Variants in FRS2 observed in about 807,000 individuals in gnomAD.
FRS2 encodes the protein fibroblast growth factor receptor substrate 2.
Under a neutral mutation model 43.9 loss-of-function variants are expected in FRS2, and 8 were observed. That is an observed-to-expected ratio of 0.18 (90% CI 0.11 to 0.33). The LOEUF (loss-of-function observed/expected upper bound fraction) is 0.33, where lower values mean the gene tolerates loss of function less well. Among genes scored for constraint, FRS2 ranks in the 10% least tolerant of loss-of-function variants. The probability of loss-of-function intolerance (pLI) is 1.00; values close to 1 mark genes in which losing one functional copy is unlikely to be tolerated. For missense variants in FRS2, 534 were observed against 627.6 expected, an observed-to-expected ratio of 0.85 and a Z score of 1.59; for synonymous variants, 219 against 220.3, an observed-to-expected ratio of 0.99 and a Z score of 0.05.
At chr12:69,533,470 C>T (rs1289821179) in intron 3 of FRS2, among the ~76,000 whole-genome samples, 3 of 152,092 alleles carry the variant, frequency 2.0e-5, no homozygotes. Context: ...CTGCCTCAGC[C>T]TCCTGAGTAG....
At chr12:69,497,170 C>T (rs773469665) in intron 1 of FRS2, among the ~76,000 whole-genome samples, 2 of 152,008 alleles carry the variant, frequency 1.3e-5, no homozygotes, top group Non-Finnish European at 2.9e-5. Flanking sequence ...GCCTACAGGC[C>T]GGTGTTTAGA....
chr12:69,528,582 A>G (rs950347143), intron 1 of FRS2, among the ~76,000 whole-genome samples: 1 of 152,230 alleles, frequency 6.6e-6, no homozygotes, highest in African/African-American at 2.4e-5. Flanking sequence ...ATACATCTTC[A>G]TTATTTCTTT....
intron 4 of FRS2, among the ~76,000 whole-genome samples, chr12:69,564,721 G>C (rs1308345496): frequency 1.3e-5 from 2 of 152,014 alleles, no homozygotes; most frequent in Non-Finnish European, 2.9e-5. Flanking sequence ...ATCTCAAACT[G>C]ATTTTCTTTC....
intron 3 of FRS2, among the ~76,000 whole-genome samples, chr12:69,547,917 A>C (rs1446419871): frequency 1.4e-5 from 2 of 144,090 alleles, no homozygotes; most frequent in African/African-American, 5.2e-5. Flanking sequence ...CATGGCTCAC[A>C]CAGCCTCTGA....
intron 3 of FRS2, among the ~76,000 whole-genome samples, chr12:69,545,460 C>T (rs1428462212): frequency 6.6e-6 from 1 of 152,018 alleles, no homozygotes; most frequent in Non-Finnish European, 1.5e-5. Flanking sequence ...TGGAATAGAG[C>T]AGAGAACCCA....
At chr12:69,523,593 A>C (rs1007012770) in intron 1 of FRS2, among the ~76,000 whole-genome samples, 3 of 152,078 alleles carry the variant, frequency 2.0e-5, no homozygotes, top group African/African-American at 4.8e-5. Context: ...TAGTATTGAT[A>C]TGTGTGCGTT....
intron 8 of FRS2, among the ~76,000 whole-genome samples, 184 bp from the exon 9 acceptor site, chr12:69,573,821 C>T (rs1290228408): frequency 1.3e-5 from 2 of 152,248 alleles, no homozygotes; most frequent in Admixed American, 1.3e-4. Flanking sequence ...TTCTACATTT[C>T]TCCTTCTCTT....
chr12:69,473,190 A>G (rs1035731404), intron 1 of FRS2, among the ~76,000 whole-genome samples: 1 of 152,220 alleles, frequency 6.6e-6, no homozygotes, highest in African/African-American at 2.4e-5. Flanking sequence ...ATATGTAAGT[A>G]CCTTAATAAT....
intron 1 of FRS2, among the ~76,000 whole-genome samples, chr12:69,511,352 A>G (rs1356836332): frequency 6.6e-6 from 1 of 152,092 alleles, no homozygotes; most frequent in Non-Finnish European, 1.5e-5. Flanking sequence ...TCTCTTCATC[A>G]TTTCAGTAGT....
chr12:69,482,971 A>G (rs1293398498), intron 1 of FRS2, among the ~76,000 whole-genome samples: 1 of 152,158 alleles, frequency 6.6e-6, no homozygotes, highest in Non-Finnish European at 1.5e-5. Context: ...ACATTCCCAC[A>G]TCTCCCACTC....
chr12:69,540,324 T>C (rs1393649666), intron 3 of FRS2, among the ~76,000 whole-genome samples: 1 of 149,392 alleles, frequency 6.7e-6, no homozygotes, highest in African/African-American at 2.4e-5. Context: ...GCTTAGAACA[T>C]CTTGTAGTGC....
chr12:69,524,580 G>C (rs2135630243), intron 1 of FRS2, among the ~76,000 whole-genome samples: 1 of 152,176 alleles, frequency 6.6e-6, no homozygotes, highest in South Asian at 2.1e-4. Context: ...GCTGACTAAA[G>C]GGTGTTCACG....
At chr12:69,471,684 T>C (rs1032242956) in intron 1 of FRS2, among the ~76,000 whole-genome samples, 2 of 152,262 alleles carry the variant, frequency 1.3e-5, no homozygotes, top group Non-Finnish European at 2.9e-5. Flanking sequence ...TTTTCCACAA[T>C]AAATGGTGAT....
chr12:69,544,159 A>G (rs1014078921), intron 3 of FRS2, among the ~76,000 whole-genome samples: 13 of 151,766 alleles, frequency 8.6e-5, no homozygotes, highest in South Asian at 4.2e-4. Context: ...TAAAAATGCA[A>G]TTGAATCATA....
At chr12:69,490,803 A>G (rs1030473521) in intron 1 of FRS2, among the ~76,000 whole-genome samples, 4 of 152,218 alleles carry the variant, frequency 2.6e-5, no homozygotes, top group Admixed American at 1.3e-4. Flanking sequence ...TCCTCTACCT[A>G]TGGTTATTGG....
intron 1 of FRS2, among the ~76,000 whole-genome samples, chr12:69,511,115 T>C (rs1025435850): frequency 6.6e-6 from 1 of 152,208 alleles, no homozygotes; most frequent in African/African-American, 2.4e-5. Flanking sequence ...GTGCTTTTTT[T>C]CTCCCTGAGG....
chr12:69,508,114 G>A (rs1169317273), intron 1 of FRS2, among the ~76,000 whole-genome samples: 6 of 146,310 alleles, frequency 4.1e-5, no homozygotes, highest in African/African-American at 7.6e-5. Context: ...TGTTTTCTTT[G>A]CATATTTATT....
intron 3 of FRS2, among the ~76,000 whole-genome samples, chr12:69,543,808 G>GCCA (rs1565761494): frequency 6.6e-6 from 1 of 152,168 alleles, no homozygotes; most frequent in Admixed American, 6.5e-5. Flanking sequence ...CAGCAAGGAG[G>GCCA]CCACTGTGGC....
intron 1 of FRS2, among the ~76,000 whole-genome samples, chr12:69,507,836 C>T (rs1316908552): frequency 1.3e-5 from 2 of 151,910 alleles, no homozygotes; most frequent in Non-Finnish European, 2.9e-5. Flanking sequence ...ACCAGCCTGA[C>T]CAACATGGAG....
Sources: gnomAD v4.1 joint callset for allele counts (sites outside exome capture counted in the v4.1 genomes callset) on GRCh38, gnomAD v4.1.1 for gene constraint, MANE v1.5 for transcripts, NCBI Gene and HGNC (gene_info 2026-07-23, HGNC 2026-07-21) for gene names.